The following NEGR1 variants were observed in gnomAD, a reference collection of about 807,000 sequenced individuals.
The protein encoded by NEGR1 is IgLON family member 4.
A neutral mutation model predicts 40.9 loss-of-function variants in NEGR1; 10 were observed. The ratio of observed to expected loss-of-function variants is 0.24; its 90% CI spans 0.15 to 0.42. The LOEUF is 0.42. Among genes scored for constraint, NEGR1 ranks in the 10% least tolerant of loss-of-function variants. The probability of loss-of-function intolerance (pLI) is 1.00; values close to 1 mark genes in which losing one functional copy is unlikely to be tolerated. For synonymous variants in NEGR1, 185 were observed against 166.8 expected, an observed-to-expected ratio of 1.11 and a Z score of -0.84; for missense variants, 352 against 438.9, an observed-to-expected ratio of 0.80 and a Z score of 1.77.
intron 1 of NEGR1, among the ~76,000 whole-genome samples, chr1:71,965,137 A>G (rs536443365): frequency 6.6e-6 from 1 of 152,132 alleles, no homozygotes; most frequent in Admixed American, 6.5e-5. Flanking sequence ...TTACTTTGCA[A>G]TGTTCTAGCC....
At chr1:71,876,180 A>G (rs1472095603) in intron 2 of NEGR1, among the ~76,000 whole-genome samples, 1 of 152,104 alleles carries the variant, frequency 6.6e-6, no homozygotes, top group Admixed American at 6.6e-5. Context: ...TATATTATAG[A>G]ATATTTTTCT....
chr1:71,782,866 T>G (rs1656765384), intron 2 of NEGR1, among the ~76,000 whole-genome samples: 3 of 152,178 alleles, frequency 2.0e-5, no homozygotes, highest in Non-Finnish European at 1.5e-5. Context: ...ATTTTCTTAG[T>G]CCTTTGCCTA....
At chr1:71,911,768 T>A (rs1045748819) in intron 2 of NEGR1, among the ~76,000 whole-genome samples, 1 of 152,224 alleles carries the variant, frequency 6.6e-6, no homozygotes, top group Non-Finnish European at 1.5e-5. Context: ...GAAAGTTTGA[T>A]AGAAGATCGA....
intron 1 of NEGR1, among the ~76,000 whole-genome samples, chr1:71,941,151 A>C (rs922103036): frequency 6.6e-6 from 1 of 152,144 alleles, no homozygotes; most frequent in African/African-American, 2.4e-5. Context: ...ATAAAGTCCT[A>C]AATTTGACAG....
chr1:71,930,101 C>T (rs754548540), intron 2 of NEGR1, among the ~76,000 whole-genome samples: 1 of 151,992 alleles, frequency 6.6e-6, no homozygotes, highest in South Asian at 2.1e-4. Context: ...AGGTGGTAAT[C>T]AAAAAGCTAT....
chr1:71,970,613 T>C (rs1646248160), intron 1 of NEGR1, among the ~76,000 whole-genome samples: 1 of 152,036 alleles, frequency 6.6e-6, no homozygotes, highest in Non-Finnish European at 1.5e-5. Context: ...TAGAATCACT[T>C]GAACCTGGAG....
intron 3 of NEGR1, among the ~76,000 whole-genome samples, chr1:71,721,232 G>A (rs899838964): frequency 3.9e-5 from 6 of 151,970 alleles, no homozygotes; most frequent in African/African-American, 1.2e-4. Flanking sequence ...ACAAAAAGTC[G>A]AATCCCTTGT....
chr1:71,704,163 TCACACACA>T (rs3077140), intron 3 of NEGR1, among the ~76,000 whole-genome samples: 2,303 of 142,200 alleles, frequency 0.016, 48 homozygotes, highest in African/African-American at 0.055. Context: ...TCTCTCTCTG[TCACACACA>T]CACACACACA....
At chr1:72,070,532 T>A (rs2100509247) in intron 1 of NEGR1, among the ~76,000 whole-genome samples, 1 of 152,182 alleles carries the variant, frequency 6.6e-6, no homozygotes, top group African/African-American at 2.4e-5. Context: ...AATAGAGAGC[T>A]ATATTTATGA....
intron 2 of NEGR1, among the ~76,000 whole-genome samples, chr1:71,817,579 C>T (rs562193323): frequency 7.2e-5 from 11 of 152,030 alleles, no homozygotes; most frequent in South Asian, 4.2e-4. Context: ...TGGAAGATGG[C>T]GTTTAGTTTT....
At chr1:71,423,646 A>G (rs1008923187) in intron 6 of NEGR1, among the ~76,000 whole-genome samples, 21 of 152,144 alleles carry the variant, frequency 1.4e-4, no homozygotes, top group Admixed American at 7.2e-4. Context: ...TAGATAACTT[A>G]CTATTGCAAT....
At chr1:71,801,030 A>T (rs1285853459) in intron 2 of NEGR1, among the ~76,000 whole-genome samples, 1 of 152,064 alleles carries the variant, frequency 6.6e-6, no homozygotes, top group Non-Finnish European at 1.5e-5. Context: ...CTTCTTTCCT[A>T]CCACCCTACA....
intron 1 of NEGR1, among the ~76,000 whole-genome samples, chr1:72,198,202 C>T (rs1479364174): frequency 6.6e-6 from 1 of 151,880 alleles, no homozygotes; most frequent in Non-Finnish European, 1.5e-5. Flanking sequence ...TAGGAGCGTA[C>T]ATATAACTAA....
At chr1:72,259,876 CCTTTT>C (rs1167276690) in intron 1 of NEGR1, among the ~76,000 whole-genome samples, 1 of 152,016 alleles carries the variant, frequency 6.6e-6, no homozygotes, top group Non-Finnish European at 1.5e-5. Context: ...TTAATGCTCA[CCTTTT>C]CTTTTACTAT....
At chr1:71,714,226 C>G (rs1040300916) in intron 3 of NEGR1, among the ~76,000 whole-genome samples, 3 of 152,166 alleles carry the variant, frequency 2.0e-5, no homozygotes, top group Non-Finnish European at 4.4e-5. Flanking sequence ...GACTCACTAT[C>G]ATGAGAACAG....
chr1:71,768,245 T>C (rs1469982373), intron 3 of NEGR1, among the ~76,000 whole-genome samples: 5 of 152,100 alleles, frequency 3.3e-5, no homozygotes, highest in Non-Finnish European at 7.4e-5. Context: ...CACTCAACAT[T>C]AGCCCATGAG....
At chr1:72,153,587 T>C (rs1157817772) in intron 1 of NEGR1, among the ~76,000 whole-genome samples, 5 of 151,950 alleles carry the variant, frequency 3.3e-5, no homozygotes, top group Non-Finnish European at 7.4e-5. Flanking sequence ...GTGGTGATGA[T>C]ACATGATAGA....
At chr1:71,954,674 TTATCA>T (rs1646104163) in intron 1 of NEGR1, among the ~76,000 whole-genome samples, 2 of 152,108 alleles carry the variant, frequency 1.3e-5, no homozygotes, top group South Asian at 4.1e-4. Flanking sequence ...GTTGGAATAA[TTATCA>T]TTATTTCTAA....
At chr1:71,451,333 A>ATTTT (rs35201330) in intron 6 of NEGR1, among the ~76,000 whole-genome samples, 4 of 138,370 alleles carry the variant, frequency 2.9e-5, no homozygotes, top group African/African-American at 5.5e-5. Flanking sequence ...AGTGCTACAG[A>ATTTT]TTTTTTTTTT....
Sources: gnomAD v4.1 joint callset for allele counts (sites outside exome capture counted in the v4.1 genomes callset) on GRCh38, gnomAD v4.1.1 for gene constraint, MANE v1.5 for transcripts, NCBI Gene and HGNC (gene_info 2026-07-23, HGNC 2026-07-21) for gene names.